The following SPATC1 variants were observed in gnomAD, a reference collection of about 807,000 sequenced individuals.
The protein encoded by SPATC1 is spermatogenesis and centriole associated 1, also known as speriolin.
A neutral mutation model predicts 36.5 loss-of-function variants in SPATC1; 35 were observed. The observed-to-expected ratio is 0.96, with a 90% CI of 0.73 to 1.27. SPATC1 has a LOEUF of 1.27. SPATC1 is among the 50% of genes most tolerant of loss of function. SPATC1 has a pLI of 0.00. For missense variants in SPATC1, 779 were observed against 796.0 expected (o/e 0.98, Z 0.26); for synonymous variants, 361 against 353.6 (o/e 1.02, Z -0.24).
At chr8:144,042,630 G>A (rs78037404) in intron 4 of SPATC1, among the ~76,000 whole-genome samples, 2,554 of 151,892 alleles carry the variant, frequency 0.017, 87 homozygotes, top group African/African-American at 0.059. Flanking sequence ...CCCCGAAAGG[G>A]AAGCTTTTAA....
rs540832763 is a variant in SPATC1 at position 144,037,246 on chromosome 8, G to A, written c.212-2663G>A. 3.5e-5 allele frequency among the ~76,000 whole-genome samples: 5 copies of A among 144,926 alleles called. No individual in the cohort carries two copies. The East Asian group carries it at 7.1e-4, about 21-fold the overall frequency. On this transcript the variant is annotated intron_variant, in intron 1 of 4. Transcript: ENST00000377470. ...CCGCCCCGCCCGGGAGGTGAGGGGC[G>A]CCTCTGCCCGGCCGCCCCTACTGGG...
At chr8:144,037,744 A>G (rs1313353117) in intron 1 of SPATC1, among the ~76,000 whole-genome samples, 1 of 151,116 alleles carries the variant, frequency 6.6e-6, no homozygotes, top group Admixed American at 6.6e-5. Flanking sequence ...CCTTCCCTCC[A>G]CTATTGTCCT....
chr8:144,017,501 C>A (rs568164315), intron 1 of SPATC1, among the ~76,000 whole-genome samples: 1 of 152,098 alleles, frequency 6.6e-6, no homozygotes, highest in Non-Finnish European at 1.5e-5. Context: ...AGGGCTTGGT[C>A]TGGTGGGCTG....
intron 4 of SPATC1, among the ~76,000 whole-genome samples, 190 bp downstream of exon 4, chr8:144,041,561 G>A (rs1482248508): frequency 1.3e-4 from 20 of 152,240 alleles, no homozygotes; most frequent in Admixed American, 1.3e-3. Flanking sequence ...GGTCTCCTCA[G>A]AGGAAGGCGA....
At chr8:144,014,408 A>AAGG (rs1338327360) in intron 1 of SPATC1, among the ~76,000 whole-genome samples, 23 of 150,336 alleles carry the variant, frequency 1.5e-4, no homozygotes, top group African/African-American at 5.2e-4. Context: ...CAAGAAGAAG[A>AAGG]AGGAGGAGGA....
At chr8:144,011,403 C>T (rs1834281369), upstream of SPATC1, among the ~76,000 whole-genome samples, 1 of 152,084 alleles carries the variant, frequency 6.6e-6, no homozygotes, top group African/African-American at 2.4e-5. The surrounding 1 kb of genome is among the most constrained non-coding windows in gnomAD (Gnocchi z 4.5). Context: ...GCAGAATGCT[C>T]AACTCACAGC....
chr8:144,039,782 C>G, intron 1 of SPATC1, 127 bp from the exon 2 acceptor site: 1 of 1,004,748 alleles, frequency 1.0e-6, no homozygotes, highest in South Asian at 1.6e-5. Context: ...CAGGTCGGAC[C>G]AGTCAGCTCA....
chr8:144,014,916 T>C (rs971513465), intron 1 of SPATC1, among the ~76,000 whole-genome samples: 1 of 152,094 alleles, frequency 6.6e-6, no homozygotes, highest in African/African-American at 2.4e-5. Flanking sequence ...TGTGAATGAG[T>C]GTGTATGAAT....
chr8:144,040,276 C>T lies in SPATC1; in HGVS notation c.579C>T (p.Val193=), dbSNP rs1835036446. 4 of 1,612,776 alleles carry T rather than the reference C, an allele frequency of 2.5e-6. No individual in the cohort carries two copies. The highest frequency in any genetic ancestry group is 3.4e-6 in the Non-Finnish European group (4 of 1,179,854). Residue 193 remains valine (V), a synonymous_variant, in exon 2 of 5, where the codon GTC becomes GTT. Coordinates refer to ENST00000377470, the MANE Select transcript of SPATC1 (RefSeq NM_198572.3). ...LIAPVMGTVA[V]SLSSPLLSST... Reference sequence around the variant, plus strand: ...CCCCTGTGATGGGCACGGTGGCTGTCTCTCTGAGCAGCCCCCTCCTCAGCT... The same window carrying T: ...CCCCTGTGATGGGCACGGTGGCTGTTTCTCTGAGCAGCCCCCTCCTCAGCT...
chr8:144,029,351 G>A (rs1201530825), intron 1 of SPATC1, among the ~76,000 whole-genome samples: 1 of 151,790 alleles, frequency 6.6e-6, no homozygotes, highest in Non-Finnish European at 1.5e-5. Context: ...GGCAGATCAC[G>A]TGAGGTCAGG....
chr8:144,027,932 G>A (rs1834718293), intron 1 of SPATC1, among the ~76,000 whole-genome samples: 2 of 152,062 alleles, frequency 1.3e-5, no homozygotes, highest in South Asian at 4.1e-4. Flanking sequence ...GGCAGAGTTT[G>A]CAGTGAGCCA....
rs1165801794 is a variant in SPATC1, at chr8:144,029,202, TAAAAAAAAAAAAA to T, written c.212-10689_212-10677del. Among the ~76,000 whole-genome samples the T allele has an allele frequency of 5.6e-3, 158 of 28,170 alleles. 1 individual carries two copies. Among genetic ancestry groups the T allele is most frequent in the Middle Eastern group, 0.036 (1 of 28 alleles). 18.5% of individuals were successfully genotyped at this position (28,170 alleles called of 152,430 possible). A position where few individuals can be genotyped will look rare whatever the true frequency, so the allele number is the denominator to read the frequency against. ...ACATCCTACACATGTACCCCAGAAC[TAAAAAAAAAAAAA>T]AAAAAAAAAAAAAAAAAGATTTTCT... On this transcript the variant is annotated intron_variant, in intron 1 of 4. Coordinates refer to ENST00000377470, the MANE Select transcript of SPATC1 (RefSeq NM_198572.3).
chr8:144,041,736 G>T (rs756623932), intron 4 of SPATC1, among the ~76,000 whole-genome samples: 2 of 152,216 alleles, frequency 1.3e-5, no homozygotes, highest in Admixed American at 6.5e-5. Flanking sequence ...GGTTGGGGGT[G>T]TGCGGCTGCT....
chr8:144,037,578 T>C (rs1284975946), intron 1 of SPATC1, among the ~76,000 whole-genome samples: 1 of 152,112 alleles, frequency 6.6e-6, no homozygotes, highest in Non-Finnish European at 1.5e-5. Context: ...GGGTGCAAGA[T>C]GTGCTTTGTT....
At chr8:144,036,700 A>T (rs1221920948) in intron 1 of SPATC1, among the ~76,000 whole-genome samples, 2 of 152,130 alleles carry the variant, frequency 1.3e-5, no homozygotes, top group Non-Finnish European at 2.9e-5. Flanking sequence ...CTCTGAAGAG[A>T]TAGAAGTAGT....
intron 1 of SPATC1, among the ~76,000 whole-genome samples, chr8:144,038,002 G>A (rs111775572): frequency 0.016 from 2,462 of 151,334 alleles, 67 homozygotes; most frequent in African/African-American, 0.057. Flanking sequence ...GGTGGCGGGC[G>A]CCTGTAATCC....
intron 1 of SPATC1, among the ~76,000 whole-genome samples, chr8:144,037,042 G>A (rs1243419699): frequency 6.7e-6 from 1 of 149,730 alleles, no homozygotes; most frequent in Non-Finnish European, 1.5e-5. Context: ...TGTTAAGAAT[G>A]AATTTTGGCC....
In SPATC1 at chr8:144,037,239, G is replaced by A. The variant is rs1834925411; in HGVS notation, c.212-2670G>A. ...CAGCCGGCCGCCCCGCCCGGGAGGT[G>A]AGGGGCGCCTCTGCCCGGCCGCCCC... On this transcript the variant is annotated intron_variant, in intron 1 of 4. Transcript: ENST00000377470. Among the ~76,000 whole-genome samples the A allele has an allele frequency of 2.0e-5, 3 of 148,798 alleles. No homozygotes were observed. In the South Asian group the frequency reaches 6.5e-4, roughly 32 times the overall value.
At chr8:144,043,941 C>T (rs1396941994) in intron 4 of SPATC1, among the ~76,000 whole-genome samples, 2 of 152,178 alleles carry the variant, frequency 1.3e-5, no homozygotes, top group Non-Finnish European at 2.9e-5. Context: ...GTGTGCACTC[C>T]TCCACATCCC....
Sources: gnomAD v4.1 joint callset for allele counts (sites outside exome capture counted in the v4.1 genomes callset) on GRCh38, gnomAD v4.1.1 for gene constraint, Gnocchi (gnomAD v3.1) non-coding constraint, MANE v1.5 for transcripts, NCBI Gene and HGNC (gene_info 2026-07-23, HGNC 2026-07-21) for gene names.